Variants in MICAL2 observed in about 807,000 individuals in gnomAD.
MICAL2 encodes the protein [F-actin]-monooxygenase MICAL2.
In MICAL2, 77 loss-of-function variants were observed where a neutral mutation model predicts 127.3. The ratio of observed to expected loss-of-function variants is 0.60; its 90% CI spans 0.50 to 0.73. The LOEUF is 0.73. Among genes scored for constraint, MICAL2 ranks in the 30% least tolerant of loss-of-function variants. MICAL2 has a pLI of 0.00. For synonymous variants in MICAL2, 570 were observed against 551.1 expected (o/e 1.03, Z -0.48); for missense variants, 1,351 against 1,434.4 (o/e 0.94, Z 0.94).
At chr11:12,200,382 T>A (rs1311062091) in intron 3 of MICAL2, among the ~76,000 whole-genome samples, 1 of 152,210 alleles carries the variant, frequency 6.6e-6, no homozygotes, top group Non-Finnish European at 1.5e-5. Flanking sequence ...TGTGGTCTGT[T>A]TGGACCACAT....
At chr11:12,288,559 C>G (rs536978571), downstream of MICAL2, among the ~76,000 whole-genome samples, 1 of 152,194 alleles carries the variant, frequency 6.6e-6, no homozygotes, top group Non-Finnish European at 1.5e-5. Context: ...AGGAGTATTG[C>G]ACAGCGTTTC....
chr11:12,280,011 A>G (rs1863755590), intron 1 of MICAL2, among the ~76,000 whole-genome samples: 1 of 152,216 alleles, frequency 6.6e-6, no homozygotes, highest in Non-Finnish European at 1.5e-5. Flanking sequence ...TTTCACTAAC[A>G]CATCACTGCT....
intron 3 of MICAL2, among the ~76,000 whole-genome samples, chr11:12,199,765 T>C (rs1414341346): frequency 6.6e-6 from 1 of 152,212 alleles, no homozygotes; most frequent in Non-Finnish European, 1.5e-5. Flanking sequence ...GATAAAGAGC[T>C]GATTTTTCCA....
At chr11:12,256,022 C>T (rs1026896337) in intron 23 of MICAL2, 2 of 403,846 alleles carry the variant, frequency 5.0e-6, no homozygotes, top group South Asian at 4.9e-5. Context: ...TAGAAAGGCC[C>T]AGGTGAGGCC....
intron 33 of MICAL2, among the ~76,000 whole-genome samples, chr11:12,352,280 C>T (rs1252640060): frequency 6.6e-6 from 1 of 152,128 alleles, no homozygotes. Flanking sequence ...ATTCTGTGCA[C>T]CAGGGACTAT....
chr11:12,330,063 G>C (rs1481753633), intron 32 of MICAL2, among the ~76,000 whole-genome samples: 3 of 152,152 alleles, frequency 2.0e-5, no homozygotes, highest in Non-Finnish European at 4.4e-5. Flanking sequence ...GTGGGTGACA[G>C]ATGCAGATCA....
At position 12,208,108 on chromosome 11, in the gene MICAL2, T is replaced by C. The variant is rs2279390; in HGVS notation, c.558T>C (p.Val186=). The change falls in exon 5 of 28, where the codon GTT becomes GTC. Residue 186 remains valine (V), a synonymous_variant. Transcript: ENST00000683283. ...ATGTGAATGTGGAGTTCGTGAAGGT[T>C]CTAGAGCCTCCTGAAGATCAAGAAA... The part of the protein sequence containing the change: ...EIHVNVEFVK[V]LEPPEDQENQ... 1.2e-6 allele frequency: 2 copies of C among 1,613,702 alleles called. No individual in the cohort carries two copies. The highest frequency in any genetic ancestry group is 1.7e-6 in the Non-Finnish European group (2 of 1,179,796).
At chr11:12,347,925 G>A (rs186370893) in intron 32 of MICAL2, among the ~76,000 whole-genome samples, 79 of 152,172 alleles carry the variant, frequency 5.2e-4, no homozygotes, top group African/African-American at 1.8e-3. Flanking sequence ...AGGCCAAGGC[G>A]AGAGGACCAT....
intron 1 of MICAL2, among the ~76,000 whole-genome samples, chr11:12,125,490 G>A (rs541675860): frequency 7.9e-5 from 12 of 152,226 alleles, no homozygotes; most frequent in Non-Finnish European, 1.2e-4. Flanking sequence ...TCCTGACCTC[G>A]TGATCTGCCC....
intron 32 of MICAL2, among the ~76,000 whole-genome samples, chr11:12,338,603 T>A (rs949881832): frequency 1.6e-4 from 24 of 152,254 alleles, no homozygotes; most frequent in African/African-American, 5.3e-4. Flanking sequence ...CAGTTGTTCC[T>A]TTCCATATTT....
In MICAL2 at chr11:12,176,150, A is replaced by ACC. The variant is rs1212348741; in HGVS notation, c.264+13732_264+13733dup. Among the ~76,000 whole-genome samples the ACC allele has an allele frequency of 3.3e-5, 5 of 152,318 alleles. 1 individual carries two copies. The East Asian group carries it at 5.8e-4, about 18-fold the overall frequency. On this transcript the variant is annotated intron_variant, in intron 3 of 27. Transcript: ENST00000683283. ...TCTTAGAGGAGCTGCTCACTCTCTC[A>ACC]CCACAAACCAGCAGATCAGGGACAG... is the stretch of plus-strand genomic sequence containing the variant.
intron 10 of MICAL2, 140 bp from the exon 11 acceptor site, chr11:12,222,477 A>G: frequency 8.8e-7 from 1 of 1,136,832 alleles, no homozygotes; most frequent in South Asian, 1.5e-5. Flanking sequence ...GAACCAGGAG[A>G]GTCAGGTATT....
intron 29 of MICAL2, among the ~76,000 whole-genome samples, chr11:12,312,201 T>C (rs1420615499): frequency 2.0e-5 from 3 of 152,020 alleles, no homozygotes; most frequent in Non-Finnish European, 4.4e-5. Context: ...TGATTTTCAA[T>C]TTTATTTCTG....
intron 1 of MICAL2, among the ~76,000 whole-genome samples, chr11:12,280,266 A>G (rs372659298): frequency 6.6e-6 from 1 of 152,068 alleles, no homozygotes; most frequent in East Asian, 1.9e-4. Context: ...AGCTTATCTG[A>G]CCAGAGAGAC....
chr11:12,320,504 C>T (rs1398075066), intron 30 of MICAL2, among the ~76,000 whole-genome samples: 1 of 151,938 alleles, frequency 6.6e-6, no homozygotes, highest in African/African-American at 2.4e-5. Flanking sequence ...GAAGCTGGAG[C>T]GTTTTCACTG....
At chr11:12,278,250 T>C (rs1002008611) in intron 1 of MICAL2, among the ~76,000 whole-genome samples, 1 of 152,260 alleles carries the variant, frequency 6.6e-6, no homozygotes, top group African/African-American at 2.4e-5. Flanking sequence ...TAAACTTCTT[T>C]ATTGTAGTAA....
intron 21 of MICAL2, among the ~76,000 whole-genome samples, chr11:12,248,643 G>T (rs937915468): frequency 2.0e-5 from 3 of 152,234 alleles, no homozygotes; most frequent in Non-Finnish European, 4.4e-5. Flanking sequence ...TACCCTTGGG[G>T]TGTTTGTTTT....
rs183091351 is a variant in MICAL2 at position 12,166,529 on chromosome 11, A to G, written c.264+4110A>G. ...TGTCAGGCATTTGTCTAGCTATGTA[A>G]TAGCTCTGTAGCCTTGGGCAAGTTA... is the stretch of plus-strand genomic sequence containing the variant. On this transcript the variant is annotated intron_variant, in intron 3 of 27. Transcript: ENST00000683283. 1.6e-4 allele frequency among the ~76,000 whole-genome samples: 24 copies of G among 152,346 alleles called. No homozygotes were observed. In the Middle Eastern group the frequency reaches 0.014, roughly 86 times the overall value.
intron 29 of MICAL2, chr11:12,303,498 T>A (rs138497786): frequency 1.3e-5 from 2 of 152,332 alleles, no homozygotes; most frequent in Admixed American, 6.5e-5. Flanking sequence ...ACTTTAACCA[T>A]TAAAAATGTA....
Sources: gnomAD v4.1 joint callset for allele counts (sites outside exome capture counted in the v4.1 genomes callset) on GRCh38, gnomAD v4.1.1 for gene constraint, MANE v1.5 for transcripts, NCBI Gene and HGNC (gene_info 2026-07-23, HGNC 2026-07-21) for gene names.